The following GTF2I variants were observed in gnomAD, a reference collection of about 807,000 sequenced individuals.
GTF2I encodes general transcription factor IIi, also known as general transcription factor II-I.
A neutral mutation model predicts 67.6 loss-of-function variants in GTF2I; 12 were observed. The observed-to-expected ratio is 0.18, with a 90% CI of 0.11 to 0.29. The LOEUF (loss-of-function observed/expected upper bound fraction) is 0.29. GTF2I is among the 10% of genes least tolerant of loss of function. GTF2I has a pLI of 1.00. For missense variants in GTF2I, 271 were observed against 580.1 expected (o/e 0.47, Z 5.47); for synonymous variants, 149 against 197.0 (o/e 0.76, Z 2.04).
At chr7:74,700,578 A>AGTTTT (rs782599026) in intron 5 of GTF2I, 28 bp from the exon 6 acceptor site, 68 of 1,611,828 alleles carry the variant, frequency 4.2e-5, no homozygotes, top group Non-Finnish European at 5.5e-5. Flanking sequence ...ATTCATACGA[A>AGTTTT]GTTTTGTTTT....
chr7:74,723,720 C>T (rs1487383708), intron 12 of GTF2I, among the ~76,000 whole-genome samples: 1 of 151,910 alleles, frequency 6.6e-6, no homozygotes, highest in Non-Finnish European at 1.5e-5. Flanking sequence ...CATGAACCAC[C>T]GCGCCTGGCC....
intron 1 of GTF2I, among the ~76,000 whole-genome samples, chr7:74,663,478 G>GGGTTTCACCATGTTAGCCAGGCTGGT (rs1381159541): frequency 6.6e-6 from 1 of 152,018 alleles, no homozygotes; most frequent in African/African-American, 2.4e-5. Flanking sequence ...CATAGAGATG[G>GGGTTTCACCATGTTAGCCAGGCTGGT]GGTTTCACCA....
chr7:74,706,254 G>A, intron 7 of GTF2I, 136 bp from the exon 8 acceptor site: 2 of 692,586 alleles, frequency 2.9e-6, no homozygotes, highest in Non-Finnish European at 5.2e-6. Context: ...AAATATGTCA[G>A]TTTTAAGCTG....
chr7:74,697,943 A>ATTT (rs112795783), intron 3 of GTF2I, among the ~76,000 whole-genome samples: 46 of 146,426 alleles, frequency 3.1e-4, no homozygotes, highest in Middle Eastern at 3.5e-3. Flanking sequence ...TAATTTTTGT[A>ATTT]TTTTTTGTTT....
chr7:74,670,331 T>A (rs1554390173), intron 1 of GTF2I, among the ~76,000 whole-genome samples: 1 of 152,192 alleles, frequency 6.6e-6, no homozygotes, highest in Admixed American at 6.6e-5. Context: ...TCAGAACTTT[T>A]GCCTGATTGC....
chr7:74,660,621 C>CT (rs35605839), intron 1 of GTF2I, among the ~76,000 whole-genome samples: 72,580 of 124,512 alleles, frequency 0.58, 22,906 homozygotes, highest in East Asian at 0.86. Context: ...CTTTTCTTTT[C>CT]TTTTTTTTTT....
chr7:74,681,400 A>T (rs1386243098), intron 1 of GTF2I, among the ~76,000 whole-genome samples: 3 of 151,994 alleles, frequency 2.0e-5, no homozygotes, highest in African/African-American at 7.3e-5. Context: ...GTGCCATTGC[A>T]CTCTAGCCTG....
At chr7:74,673,006 G>A (rs1040047204) in intron 1 of GTF2I, among the ~76,000 whole-genome samples, 4 of 151,630 alleles carry the variant, frequency 2.6e-5, no homozygotes, top group African/African-American at 4.8e-5. Context: ...GACTACAGGC[G>A]CGTGCCACCA....
chr7:74,700,528 C>T, intron 5 of GTF2I, 78 bp from the exon 6 acceptor site: 1 of 1,591,314 alleles, frequency 6.3e-7, no homozygotes, highest in Non-Finnish European at 8.6e-7. Context: ...ATATTTAACA[C>T]AGAAGTCATT....
At chr7:74,692,105 C>G (rs1178282445) in intron 3 of GTF2I, among the ~76,000 whole-genome samples, 1 of 141,790 alleles carries the variant, frequency 7.1e-6, no homozygotes, top group Non-Finnish European at 1.5e-5. Context: ...GATGGGGTCT[C>G]GCTCCGTCAC....
At chr7:74,723,158 C>CT (rs1188989539) in intron 12 of GTF2I, among the ~76,000 whole-genome samples, 1 of 138,216 alleles carries the variant, frequency 7.2e-6, no homozygotes, top group East Asian at 2.2e-4. Flanking sequence ...GAGTTTCGCT[C>CT]TGTCGCCCAG....
At chr7:74,758,069 T>TTA (rs1796153928) in intron 33 of GTF2I, 69 bp downstream of exon 33, 2 of 233,552 alleles carry the variant, frequency 8.6e-6, no homozygotes, top group East Asian at 4.6e-4. Flanking sequence ...TTTTTTTTTT[T>TTA]AAAGACAGAG....
intron 3 of GTF2I, among the ~76,000 whole-genome samples, chr7:74,691,857 A>G (rs1399065677): frequency 6.6e-6 from 1 of 151,436 alleles, no homozygotes; most frequent in Non-Finnish European, 1.5e-5. Context: ...GCTCATTGCA[A>G]CCTCCACCTC....
chr7:74,722,507 C>T (rs1316476953), intron 12 of GTF2I, among the ~76,000 whole-genome samples: 1 of 152,150 alleles, frequency 6.6e-6, no homozygotes, highest in Non-Finnish European at 1.5e-5. Flanking sequence ...GCGCAGTTCT[C>T]TCTTAGGGCC....
At chr7:74,750,295 A>T (rs1435136961) in intron 26 of GTF2I, among the ~76,000 whole-genome samples, 4 of 112,168 alleles carry the variant, frequency 3.6e-5, no homozygotes, top group African/African-American at 1.0e-4. Context: ...AAAAAAAAAA[A>T]TAGCCAGGGG....
intron 1 of GTF2I, among the ~76,000 whole-genome samples, chr7:74,662,511 C>CTTTTT (rs1161320476): frequency 0.043 from 2,138 of 50,220 alleles, 576 homozygotes; most frequent in South Asian, 0.053. Context: ...CACCTGGACC[C>CTTTTT]TTTTTTTTTT....
chr7:74,724,237 T>C (rs1342496506), intron 12 of GTF2I, among the ~76,000 whole-genome samples: 1 of 152,218 alleles, frequency 6.6e-6, no homozygotes, highest in Non-Finnish European at 1.5e-5. Flanking sequence ...AATGAATCCA[T>C]TTATTTGAAA....
At chr7:74,750,396 C>T (rs1365335676) in intron 26 of GTF2I, among the ~76,000 whole-genome samples, 1 of 95,340 alleles carries the variant, frequency 1.0e-5, no homozygotes, top group Non-Finnish European at 2.3e-5. Flanking sequence ...CGTGCCATTG[C>T]ACTCCAGCCT....
At chr7:74,680,099 A>AAAAAAAAAAAAAAATAT in intron 1 of GTF2I, among the ~76,000 whole-genome samples, 4 of 94,976 alleles carry the variant, frequency 4.2e-5, no homozygotes, top group African/African-American at 1.6e-4. Context: ...AAAAAAAAAA[A>AAAAAAAAAAAAAAATAT]ATATATATAT....
Sources: gnomAD v4.1 joint callset for allele counts (sites outside exome capture counted in the v4.1 genomes callset) on GRCh38, gnomAD v4.1.1 for gene constraint, MANE v1.5 for transcripts, NCBI Gene and HGNC (gene_info 2026-07-23, HGNC 2026-07-21) for gene names.